Variants in RASEF observed in about 807,000 individuals in gnomAD.
RASEF encodes the protein ras and EF-hand domain-containing protein.
In RASEF, 68 loss-of-function variants were observed where a neutral mutation model predicts 90.1. The observed-to-expected ratio is 0.75, with a 90% CI of 0.62 to 0.92. The LOEUF is 0.92. Ranked by LOEUF, RASEF falls within the 40% of genes least tolerant of loss-of-function variation. The probability of loss-of-function intolerance (pLI) is 0.00; values close to 1 mark genes in which losing one functional copy is unlikely to be tolerated. For synonymous variants in RASEF, 331 were observed against 345.2 expected, an observed-to-expected ratio of 0.96 and a Z score of 0.46; for missense variants, 949 against 937.2, an observed-to-expected ratio of 1.01 and a Z score of -0.16.
At chr9:83,013,492 C>A (rs1264811391) in intron 4 of RASEF, among the ~76,000 whole-genome samples, 1 of 152,160 alleles carries the variant, frequency 6.6e-6, no homozygotes. Context: ...GAAAAACCAT[C>A]GGGAAAAAAT....
At chr9:83,134,449 C>CACACATAT in the RASEF span, among the ~76,000 whole-genome samples, 11 of 139,424 alleles carry the variant, frequency 7.9e-5, no homozygotes, top group South Asian at 1.5e-3. Flanking sequence ...CACACACACA[C>CACACATAT]ATATATATAT....
chr9:83,183,285 T>C, the RASEF span, among the ~76,000 whole-genome samples: 770 of 147,824 alleles, frequency 5.2e-3, 6 homozygotes, highest in African/African-American at 0.018. Flanking sequence ...TATATATATA[T>C]ACAAATTTGT....
the RASEF span, among the ~76,000 whole-genome samples, chr9:83,108,854 T>A: frequency 6.6e-6 from 1 of 152,262 alleles, no homozygotes; most frequent in South Asian, 2.1e-4. Context: ...TCATCCTGTA[T>A]CTATCAATCC....
At chr9:83,189,295 C>T in the RASEF span, among the ~76,000 whole-genome samples, 1 of 152,180 alleles carries the variant, frequency 6.6e-6, no homozygotes, top group East Asian at 1.9e-4. Context: ...GATGTATTTG[C>T]TTCCACTTCT....
the RASEF span, among the ~76,000 whole-genome samples, chr9:83,131,509 A>ATC: frequency 1.3e-5 from 2 of 152,214 alleles, no homozygotes; most frequent in African/African-American, 4.8e-5. Flanking sequence ...TCTCAAAAAT[A>ATC]GAAAGCTTAT....
At chr9:83,160,383 G>A in the RASEF span, among the ~76,000 whole-genome samples, 1 of 152,156 alleles carries the variant, frequency 6.6e-6, no homozygotes. Flanking sequence ...GGTGACTCTA[G>A]TTATGTTTTA....
At chr9:83,181,770 G>A in the RASEF span, among the ~76,000 whole-genome samples, 1 of 151,976 alleles carries the variant, frequency 6.6e-6, no homozygotes, top group Non-Finnish European at 1.5e-5. Context: ...TCTTTGATTT[G>A]TATGTATTTA....
chr9:83,155,176 C>T, the RASEF span, among the ~76,000 whole-genome samples: 7 of 152,272 alleles, frequency 4.6e-5, no homozygotes, highest in South Asian at 8.3e-4. Context: ...ATTTTGGAGC[C>T]GTTCAATTCC....
At chr9:83,068,831 A>G in the RASEF span, among the ~76,000 whole-genome samples, 1 of 152,236 alleles carries the variant, frequency 6.6e-6, no homozygotes, top group African/African-American at 2.4e-5. Flanking sequence ...GGAAGGAGGT[A>G]AGTGTTAAAG....
intron 1 of RASEF, among the ~76,000 whole-genome samples, chr9:83,058,100 A>C (rs114632056): frequency 0.014 from 2,054 of 145,592 alleles, 40 homozygotes; most frequent in African/African-American, 0.05. Context: ...CTCCCTCTCA[A>C]CATGTCCCCC....
chr9:83,218,835 A>G, the RASEF span, among the ~76,000 whole-genome samples: 1 of 152,172 alleles, frequency 6.6e-6, no homozygotes, highest in Non-Finnish European at 1.5e-5. Flanking sequence ...CAGAAAGTCG[A>G]CGGTCTGGGA....
the RASEF span, among the ~76,000 whole-genome samples, chr9:83,134,359 A>T: frequency 6.6e-6 from 1 of 150,584 alleles, no homozygotes; most frequent in Non-Finnish European, 1.5e-5. Flanking sequence ...ACTGATTGCG[A>T]ACAGATTCTT....
chr9:83,075,774 T>A, the RASEF span, among the ~76,000 whole-genome samples: 1 of 151,928 alleles, frequency 6.6e-6, no homozygotes, highest in Non-Finnish European at 1.5e-5. Context: ...CATGAAGAGA[T>A]GTTAAAATAT....
At chr9:83,058,865 C>T (rs1423528958) in intron 1 of RASEF, among the ~76,000 whole-genome samples, 2 of 152,166 alleles carry the variant, frequency 1.3e-5, no homozygotes, top group African/African-American at 4.8e-5. Context: ...GAATCCCCTT[C>T]GACATCGTGC....
At chr9:83,162,353 G>T in the RASEF span, among the ~76,000 whole-genome samples, 1 of 152,148 alleles carries the variant, frequency 6.6e-6, no homozygotes, top group South Asian at 2.1e-4. Flanking sequence ...TCAGAAAACT[G>T]CTGGAGATGG....
chr9:83,029,394 T>G (rs1304590045), intron 1 of RASEF, among the ~76,000 whole-genome samples: 3 of 129,756 alleles, frequency 2.3e-5, no homozygotes, highest in Non-Finnish European at 3.2e-5. Flanking sequence ...ACTTGCCTTC[T>G]TTTTTTTTTT....
intron 2 of RASEF, among the ~76,000 whole-genome samples, chr9:83,022,928 C>T (rs755028986): frequency 2.0e-5 from 3 of 152,080 alleles, no homozygotes; most frequent in Non-Finnish European, 4.4e-5. Flanking sequence ...TTAGGTAATC[C>T]TTTATTGACC....
chr9:83,212,224 T>G, the RASEF span, among the ~76,000 whole-genome samples: 4 of 152,220 alleles, frequency 2.6e-5, no homozygotes, highest in African/African-American at 7.2e-5. Flanking sequence ...CAAGGTCACA[T>G]AGCTGTAGAT....
Position 83,062,936 on chromosome 9 carries a change from G to A in RASEF, c.-69C>T. 1.5e-6 allele frequency: 2 copies of A among 1,347,250 alleles called. No homozygotes were observed. The highest frequency in any genetic ancestry group is 9.5e-7 in the Non-Finnish European group (1 of 1,051,576). The allele number at this position is 1,347,250 out of a possible 1,614,324, so 83.5% of individuals were successfully genotyped here. On this transcript the variant is annotated 5_prime_UTR_variant, in exon 1 of 17. Coordinates refer to ENST00000376447, the MANE Select transcript of RASEF (RefSeq NM_152573.4). ...GGCGCAGGGCCCTCCCTGGAAGGAC[G>A]GGGCCACCTGCTGCCGCCGGGAGGC...
Sources: allele counts gnomAD v4.1 joint callset (sites outside exome capture counted in the v4.1 genomes callset), GRCh38; gene constraint gnomAD v4.1.1; transcripts MANE v1.5; gene names NCBI Gene and HGNC (gene_info 2026-07-23, HGNC 2026-07-21).